Variants in MZT2B observed in about 807,000 individuals in gnomAD.
The protein encoded by MZT2B is mitotic-spindle organizing protein 2B.
MZT2B carries 11 observed loss-of-function variants against 12.1 expected under a neutral mutation model. That is an observed-to-expected ratio of 0.91 (90% CI 0.57 to 1.50). MZT2B has a LOEUF of 1.50. Ranked by LOEUF, MZT2B falls within the 40% of genes most tolerant of loss-of-function variation. The probability of loss-of-function intolerance (pLI) is 0.00; values close to 1 mark genes in which losing one functional copy is unlikely to be tolerated. For synonymous variants in MZT2B, 85 were observed against 109.5 expected (o/e 0.78, Z 1.40); for missense variants, 209 against 227.7 (o/e 0.92, Z 0.53).
chr2:130,182,659 C>T lies in MZT2B; in HGVS notation c.203C>T (p.Ala68Val), dbSNP rs1427360128. 9.0e-6 allele frequency: 14 copies of T among 1,550,602 alleles called. No individual in the cohort carries two copies. The East Asian group carries it at 9.7e-5, about 11-fold the overall frequency. The change falls in exon 2 of 3, where the codon GCC becomes GTC. Residue 68 changes from alanine to valine, a missense_variant. By Grantham distance (64) the Ala-to-Val change is moderately conservative. Transcript: ENST00000281871. ...ILVDLLKLNV[A>V]PLAVFQMLKS... ...GTGGACCTGCTGAAGCTGAACGTGG[C>T]CCCCCTCGCCGTCTTCCAGATGCTC...
intron 2 of MZT2B, chr2:130,184,063 G>T: frequency 6.5e-7 from 1 of 1,549,886 alleles, no homozygotes; most frequent in Non-Finnish European, 8.7e-7. Flanking sequence ...TGAGCTCCAA[G>T]GGCAGGACCA....
chr2:130,183,071 G>T, intron 2 of MZT2B: 1 of 538,382 alleles, frequency 1.9e-6, no homozygotes, highest in Non-Finnish European at 3.2e-6. Context: ...ACAACGTCGG[G>T]AATCAAGACA....
chr2:130,188,550 C>T (rs1273449599), intron 2 of MZT2B, among the ~76,000 whole-genome samples: 1 of 152,154 alleles, frequency 6.6e-6, no homozygotes, highest in African/African-American at 2.4e-5. Flanking sequence ...ACCACGTGTT[C>T]CTGACTGCGC....
intron 2 of MZT2B, chr2:130,184,586 C>T: frequency 2.0e-6 from 2 of 985,414 alleles, no homozygotes; most frequent in Non-Finnish European, 2.4e-6. Flanking sequence ...CCTGACAGCG[C>T]CCACCTCACT....
downstream of MZT2B, chr2:130,195,313 A>G: frequency 1.3e-6 from 2 of 1,530,064 alleles, no homozygotes; most frequent in Non-Finnish European, 1.8e-6. Flanking sequence ...ACTTCTACAG[A>G]GCACATGCTG....
At chr2:130,196,406 T>C in the MZT2B span, 2 of 1,598,700 alleles carry the variant, frequency 1.3e-6, no homozygotes, top group Non-Finnish European at 1.7e-6. Flanking sequence ...ACCCATTCAT[T>C]TCAAGGCAAC....
At chr2:130,202,891 G>T in the MZT2B span, among the ~76,000 whole-genome samples, 11 of 151,942 alleles carry the variant, frequency 7.2e-5, no homozygotes, top group Non-Finnish European at 1.3e-4. Flanking sequence ...ATCTTAGTAA[G>T]GACAGGGAAC....
At chr2:130,196,725 C>T in the MZT2B span, among the ~76,000 whole-genome samples, 2 of 152,230 alleles carry the variant, frequency 1.3e-5, no homozygotes, top group Non-Finnish European at 2.9e-5. Context: ...ATGTCCTGAT[C>T]AAAGGATAAG....
downstream of MZT2B, chr2:130,193,640 A>G (rs369958484): frequency 2.1e-5 from 21 of 1,000,756 alleles, no homozygotes; most frequent in Admixed American, 8.8e-5. Flanking sequence ...CACTGAATCA[A>G]TTATCAACTC....
chr2:130,191,703 A>G, downstream of MZT2B: 1 of 1,483,006 alleles, frequency 6.7e-7, no homozygotes. Context: ...GGGTCCCACC[A>G]GCTCCTGTAG....
At chr2:130,181,818 A>C, upstream of MZT2B, 1 of 1,545,250 alleles carries the variant, frequency 6.5e-7, no homozygotes, top group African/African-American at 1.4e-5. Flanking sequence ...CCCAGCAAGG[A>C]ATCCGCGTGC....
chr2:130,196,701 A>C, the MZT2B span, among the ~76,000 whole-genome samples: 1 of 152,242 alleles, frequency 6.6e-6, no homozygotes, highest in Admixed American at 6.5e-5. Flanking sequence ...AAGAATAAGT[A>C]GCAGTTTTTG....
chr2:130,195,472 C>T (rs930764481), downstream of MZT2B, among the ~76,000 whole-genome samples: 4 of 152,230 alleles, frequency 2.6e-5, no homozygotes, highest in African/African-American at 9.6e-5. Flanking sequence ...GACCAGTTCC[C>T]AGTGAAAGGA....
chr2:130,184,094 C>T (rs1330179936), intron 2 of MZT2B: 1 of 1,541,268 alleles, frequency 6.5e-7, no homozygotes, highest in South Asian at 1.2e-5. Context: ...CGCTGCCCTG[C>T]CGCTTAGCCA....
At chr2:130,187,629 C>A (rs1412067658) in intron 2 of MZT2B, among the ~76,000 whole-genome samples, 2 of 152,190 alleles carry the variant, frequency 1.3e-5, no homozygotes, top group Non-Finnish European at 1.5e-5. Context: ...ATCCCACTGT[C>A]TAGCCCGTCT....
chr2:130,202,584 T>A, the MZT2B span: 1 of 733,168 alleles, frequency 1.4e-6, no homozygotes, highest in Non-Finnish European at 1.8e-6. Flanking sequence ...GGGCCAAGCC[T>A]GGTTCCAGGG....
chr2:130,185,712 G>T (rs538471145), intron 2 of MZT2B, among the ~76,000 whole-genome samples: 2 of 125,428 alleles, frequency 1.6e-5, no homozygotes, highest in African/African-American at 5.9e-5. Context: ...CGGTCAAGAT[G>T]TATGTGAGGG....
Position 130,184,343 on chromosome 2 carries a change from G to A in MZT2B, c.319+1568G>A, listed in dbSNP as rs193155211. ...GCCTCTTAGAAGTTGTCCCTTATCT[G>A]GACAGGAAGTCTGGAGGCTGAAACA... On this transcript the variant is annotated intron_variant, in intron 2 of 2. Transcript: ENST00000281871. 3.0e-6 allele frequency: 3 copies of A among 985,318 alleles called. No individual in the cohort carries two copies. In the African/African-American group the frequency reaches 5.2e-5, roughly 17 times the overall value. 61.0% of individuals were successfully genotyped at this position (985,318 alleles called of 1,614,324 possible).
At chr2:130,190,972 T>C (rs1345378839), downstream of MZT2B, among the ~76,000 whole-genome samples, 2 of 152,054 alleles carry the variant, frequency 1.3e-5, no homozygotes, top group Non-Finnish European at 2.9e-5. Flanking sequence ...TTTTTTGAAA[T>C]GGAGTCTTGC....
Sources: gnomAD v4.1 joint callset for allele counts (sites outside exome capture counted in the v4.1 genomes callset) on GRCh38, gnomAD v4.1.1 for gene constraint, MANE v1.5 for transcripts, NCBI Gene and HGNC (gene_info 2026-07-23, HGNC 2026-07-21) for gene names.